The following LBH variants were observed in gnomAD, a reference collection of about 807,000 sequenced individuals.
LBH encodes protein LBH.
In LBH, 7 loss-of-function variants were observed where a neutral mutation model predicts 12.5. The observed-to-expected ratio is 0.56, with a 90% CI of 0.32 to 1.05. The LOEUF is 1.05. Among genes scored for constraint, LBH ranks in the 50% least tolerant of loss-of-function variants. The pLI, the probability that LBH is intolerant of heterozygous loss-of-function variation, is 0.04. For missense variants in LBH, 119 were observed against 138.9 expected, an observed-to-expected ratio of 0.86 and a Z score of 0.72; for synonymous variants, 51 against 50.1, an observed-to-expected ratio of 1.02 and a Z score of -0.08.
chr2:30,238,776 C>T (rs1469830458), intron 2 of LBH, among the ~76,000 whole-genome samples: 1 of 152,022 alleles, frequency 6.6e-6, no homozygotes, highest in Non-Finnish European at 1.5e-5. Flanking sequence ...GAGAGGTGGT[C>T]TGAAGGACCA....
At chr2:30,241,445 T>C (rs1055325223) in intron 2 of LBH, among the ~76,000 whole-genome samples, 1 of 151,222 alleles carries the variant, frequency 6.6e-6, no homozygotes, top group African/African-American at 2.4e-5. Flanking sequence ...ATTTCTATTT[T>C]TATTTTCTTT....
intron 2 of LBH, among the ~76,000 whole-genome samples, chr2:30,252,856 A>T (rs1024803882): frequency 5.9e-5 from 9 of 152,170 alleles, no homozygotes; most frequent in African/African-American, 2.2e-4. Flanking sequence ...GGAGAATCAC[A>T]GCTGGGGGTG....
intron 2 of LBH, among the ~76,000 whole-genome samples, chr2:30,235,379 G>C (rs1677671353): frequency 6.6e-6 from 1 of 152,108 alleles, no homozygotes; most frequent in Middle Eastern, 3.2e-3. Context: ...GCCAGCCCAG[G>C]GAAGTCGAAA....
chr2:30,253,071 C>A (rs1678013693), intron 2 of LBH, among the ~76,000 whole-genome samples: 1 of 152,226 alleles, frequency 6.6e-6, no homozygotes, highest in Non-Finnish European at 1.5e-5. Flanking sequence ...TGCAGGCAGG[C>A]AGCATGCCGG....
chr2:30,250,614 A>T (rs924652279), intron 2 of LBH, among the ~76,000 whole-genome samples: 6 of 151,732 alleles, frequency 4.0e-5, no homozygotes, highest in African/African-American at 1.5e-4. Context: ...AGCCAGGTTT[A>T]GGTCACCTGG....
In LBH at chr2:30,234,422, C is replaced by T. The variant is rs144194149; in HGVS notation, c.44C>T (p.Ser15Leu). ...CTTGGCAGCCCCGACTATCTGAGATCGGCCAAGATGACTGAGGTGATGATG... is the reference window on the plus strand; with the variant it reads ...CTTGGCAGCCCCGACTATCTGAGATTGGCCAAGATGACTGAGGTGATGATG... ...FPIHCPDYLR[S>L]AKMTEVMMNT... is the part of the protein sequence containing the mutation. Residue 15 changes from serine to leucine, a missense_variant, in exon 2 of 3, where the codon TCG becomes TTG. By Grantham distance (145) the Ser-to-Leu change is moderately radical. Transcript: ENST00000395323. 1,069 of 1,614,120 alleles carry T rather than the reference C, an allele frequency of 6.6e-4. 6 individuals are homozygous for T. The African/African-American group carries it at 0.013, about 19-fold the overall frequency.
chr2:30,253,737 G>A (rs1053356479), intron 2 of LBH, among the ~76,000 whole-genome samples: 1 of 152,160 alleles, frequency 6.6e-6, no homozygotes, highest in South Asian at 2.1e-4. Flanking sequence ...CTGCTCCAAA[G>A]AGGACATTAT....
chr2:30,247,273 T>C (rs1301403565), intron 2 of LBH, among the ~76,000 whole-genome samples: 1 of 152,242 alleles, frequency 6.6e-6, no homozygotes, highest in Non-Finnish European at 1.5e-5. Flanking sequence ...TTGGAAAATA[T>C]AGGTTCACCA....
At chr2:30,237,384 G>A (rs1677706618) in intron 2 of LBH, among the ~76,000 whole-genome samples, 1 of 152,172 alleles carries the variant, frequency 6.6e-6, no homozygotes, top group African/African-American at 2.4e-5. Context: ...TGTACCAGCT[G>A]TGACGTTTCT....
intron 2 of LBH, among the ~76,000 whole-genome samples, chr2:30,242,320 T>A (rs1403850967): frequency 6.6e-6 from 1 of 152,170 alleles, no homozygotes; most frequent in Non-Finnish European, 1.5e-5. Context: ...CTCGGCTCAC[T>A]GCAACCTCTG....
At chr2:30,237,438 G>A (rs780794359) in intron 2 of LBH, among the ~76,000 whole-genome samples, 5 of 152,176 alleles carry the variant, frequency 3.3e-5, no homozygotes, top group South Asian at 2.1e-4. Flanking sequence ...ATGCCGCTTC[G>A]AGGATACGGG....
At chr2:30,232,955 G>C (rs1677619538) in intron 1 of LBH, 1 of 152,292 alleles carries the variant, frequency 6.6e-6, no homozygotes, top group Non-Finnish European at 1.5e-5. Flanking sequence ...TTTAGAGAGG[G>C]GACTGAACTT....
chr2:30,238,634 C>G (rs908025492), intron 2 of LBH, among the ~76,000 whole-genome samples: 4 of 152,182 alleles, frequency 2.6e-5, no homozygotes, highest in African/African-American at 7.2e-5. Context: ...CCCCTTCATT[C>G]CCCAGGTGGG....
intron 2 of LBH, 43 bp downstream of exon 2, chr2:30,234,550 G>C (rs1677652352): frequency 6.9e-7 from 1 of 1,457,310 alleles, no homozygotes; most frequent in Non-Finnish European, 9.6e-7. Context: ...AGAGCCTAGT[G>C]GTTTTTGCTG....
intron 2 of LBH, among the ~76,000 whole-genome samples, chr2:30,256,212 T>C (rs1399388979): frequency 6.6e-6 from 1 of 152,154 alleles, no homozygotes; most frequent in African/African-American, 2.4e-5. Flanking sequence ...TGGCCCTGAT[T>C]TTATAGCTGG....
chr2:30,250,572 C>T (rs1296724930), intron 2 of LBH, among the ~76,000 whole-genome samples: 1 of 151,384 alleles, frequency 6.6e-6, no homozygotes, highest in Non-Finnish European at 1.5e-5. Context: ...TGCCAGGTGC[C>T]AGGCATCTCT....
chr2:30,234,413 A>ATCTGAGATC lies in LBH; in HGVS notation c.36_44dup (p.Leu13_Ser15dup), dbSNP rs751327648. The stretch of plus-strand genomic sequence containing the variant: ...TCTGGGTTTCTTGGCAGCCCCGACT[A>ATCTGAGATC]TCTGAGATCGGCCAAGATGACTGAG... On this transcript the variant is annotated inframe_insertion, in exon 2 of 3. Coordinates refer to ENST00000395323, the MANE Select transcript of LBH (RefSeq NM_030915.4). The ATCTGAGATC allele has an allele frequency of 3.7e-6, 6 of 1,614,042 alleles. No homozygotes were observed. Among genetic ancestry groups the ATCTGAGATC allele is most frequent in the Admixed American group, 1.7e-5 (1 of 60,026 alleles).
intron 2 of LBH, among the ~76,000 whole-genome samples, chr2:30,251,287 A>C (rs1342144739): frequency 2.0e-5 from 3 of 152,118 alleles, no homozygotes; most frequent in African/African-American, 7.2e-5. Flanking sequence ...TGGACAGCGC[A>C]GATAGAGAAC....
intron 2 of LBH, among the ~76,000 whole-genome samples, chr2:30,251,178 A>C (rs1257424545): frequency 2.0e-5 from 3 of 148,614 alleles, no homozygotes; most frequent in Admixed American, 6.8e-5. Context: ...CCTCAGCCCC[A>C]CAAAGTGCTA....
Sources: gnomAD v4.1 joint callset for allele counts (sites outside exome capture counted in the v4.1 genomes callset) on GRCh38, gnomAD v4.1.1 for gene constraint, MANE v1.5 for transcripts, NCBI Gene and HGNC (gene_info 2026-07-23, HGNC 2026-07-21) for gene names.